OPRM1: variants seen among roughly 807,000 people sequenced by gnomAD.
OPRM1 encodes the protein opioid receptor mu 1.
OPRM1 carries 27 observed loss-of-function variants against 31.8 expected under a neutral mutation model. The ratio of observed to expected loss-of-function variants is 0.85; its 90% confidence interval spans 0.63 to 1.17. The LOEUF (loss-of-function observed/expected upper bound fraction) is 1.17. OPRM1 is among the 50% of genes most tolerant of loss of function. The pLI, the probability that OPRM1 is intolerant of heterozygous loss-of-function variation, is 0.00. For missense variants in OPRM1, 536 were observed against 511.1 expected (o/e 1.05, Z -0.47); for synonymous variants, 196 against 189.9 (o/e 1.03, Z -0.26).
intron 1 of OPRM1, chr6:154,087,497 G>A (rs772045199): frequency 3.7e-5 from 36 of 985,300 alleles, no homozygotes; most frequent in African/African-American, 5.2e-5. Context: ...TCTCTCTCAC[G>A]CTCTCAAATC....
intron 3 of OPRM1, among the ~76,000 whole-genome samples, chr6:154,179,301 A>T (rs936096205): frequency 3.9e-5 from 6 of 152,222 alleles, no homozygotes; most frequent in African/African-American, 1.2e-4. Context: ...TGTACCTCCA[A>T]GAGGCTTTTC....
At chr6:154,229,068 T>C (rs111246768) in intron 3 of OPRM1, among the ~76,000 whole-genome samples, 1 of 152,176 alleles carries the variant, frequency 6.6e-6, no homozygotes, top group African/African-American at 2.4e-5. Context: ...CTGGACTAGG[T>C]GCCCCCATGT....
intron 3 of OPRM1, among the ~76,000 whole-genome samples, chr6:154,097,180 A>C (rs1162759294): frequency 1.3e-5 from 2 of 152,244 alleles, no homozygotes; most frequent in African/African-American, 4.8e-5. Context: ...ACGTCGTGGC[A>C]TGTCCTGCTA....
chr6:154,148,218 G>A (rs1798406686), intron 3 of OPRM1, among the ~76,000 whole-genome samples: 1 of 152,176 alleles, frequency 6.6e-6, no homozygotes, highest in African/African-American at 2.4e-5. Context: ...TGTTGACTGA[G>A]GCACTGTATC....
At chr6:154,085,689 T>C (rs2128475570) in intron 1 of OPRM1, among the ~76,000 whole-genome samples, 1 of 152,226 alleles carries the variant, frequency 6.6e-6, no homozygotes, top group Non-Finnish European at 1.5e-5. Context: ...TGTGTTTTAA[T>C]AGCCAGGAGT....
chr6:154,066,372 A>G lies in OPRM1; in HGVS notation c.291-23454A>G, dbSNP rs530469744. Among the ~76,000 whole-genome samples, 405 of 152,188 alleles carry G rather than the reference A, an allele frequency of 2.7e-3. 2 individuals carry two copies. Among genetic ancestry groups the G allele is most frequent in the African/African-American group, 9.2e-3 (384 of 41,514 alleles). The stretch of plus-strand genomic sequence containing the variant: ...TTGATTTTTTTTAAGTGTTTGGTAC[A>G]ATTCACCAATGAAGCCATCAGGACC... On this transcript the variant is annotated intron_variant, in intron 1 of 3. Transcript: ENST00000330432.
intron 3 of OPRM1, among the ~76,000 whole-genome samples, chr6:154,198,639 C>T (rs568295075): frequency 1.3e-5 from 2 of 150,402 alleles, no homozygotes; most frequent in Non-Finnish European, 3.0e-5. Flanking sequence ...CATACACACA[C>T]ACACACACAC....
intron 1 of OPRM1, among the ~76,000 whole-genome samples, chr6:154,056,268 T>G (rs1300075270): frequency 6.6e-6 from 1 of 151,910 alleles, no homozygotes; most frequent in Non-Finnish European, 1.5e-5. Flanking sequence ...GGACTACAGG[T>G]GCTCACCACC....
intron 1 of OPRM1, among the ~76,000 whole-genome samples, chr6:154,064,892 CT>C (rs1785071447): frequency 6.6e-6 from 1 of 152,104 alleles, no homozygotes; most frequent in African/African-American, 2.4e-5. Flanking sequence ...ATTACCATTA[CT>C]TTAAAGTAAG....
At chr6:154,010,870 A>G (rs1777687682) in exon 1 of OPRM1, 2 of 1,322,964 alleles carry the variant, frequency 1.5e-6, no homozygotes, top group East Asian at 4.0e-5. Context: ...TGGTTGCTAC[A>G]TGCAATAAAT....
Position 154,108,968 on chromosome 6 carries a change from T to A in OPRM1, c.1165-9715T>A, listed in dbSNP as rs576011659. 3 of 984,536 alleles carry A rather than the reference T, an allele frequency of 3.0e-6. No individual in the cohort carries two copies. The African/African-American group carries it at 5.2e-5, about 17-fold the overall frequency. 61.0% of individuals were successfully genotyped at this position (984,536 alleles called of 1,614,324 possible). On this transcript the variant is annotated intron_variant, in intron 3 of 3. Coordinates refer to ENST00000330432, the MANE Select transcript of OPRM1 (RefSeq NM_000914.5). ...GAGGTAGCACATAAGAAATAAGTCA[T>A]GGGGATTTTATTTCATGGACCAGCA...
At chr6:154,199,821 C>CTTTTTT (rs1401681544) in intron 3 of OPRM1, 1 of 1,614,188 alleles carries the variant, frequency 6.2e-7, no homozygotes, top group East Asian at 2.2e-5. Context: ...TGGATGCCTG[C>CTTTTTT]CTCTGAGGGT....
At chr6:154,079,688 A>T (rs1379257604) in intron 1 of OPRM1, among the ~76,000 whole-genome samples, 1 of 152,210 alleles carries the variant, frequency 6.6e-6, no homozygotes, top group Non-Finnish European at 1.5e-5. Flanking sequence ...CAAAAAAGAT[A>T]ATCTTTTAAT....
At position 154,089,896 on chromosome 6, in the gene OPRM1, A is replaced by C. The variant is rs1791634157; in HGVS notation, c.361A>C (p.Ser121Arg). 6.2e-7 allele frequency: 1 copy of C among 1,614,044 alleles called. No individual in the cohort carries two copies. ...TGCTCTGGCAGATGCCTTAGCCACC[A>C]GTACCCTGCCCTTCCAGAGTGTGAA... ...NLALADALAT[S>R]TLPFQSVNYL... The change falls in exon 2 of 4, where the codon AGT becomes CGT. Residue 121 changes from serine to arginine, a missense_variant. Transcript: ENST00000330432.
intron 3 of OPRM1, among the ~76,000 whole-genome samples, chr6:154,241,608 C>G (rs1780598660): frequency 6.6e-6 from 1 of 152,124 alleles, no homozygotes; most frequent in Non-Finnish European, 1.5e-5. Flanking sequence ...ATACCTCACC[C>G]CTTTTTATTT....
At chr6:154,116,771 C>G (rs1260067479) in intron 3 of OPRM1, among the ~76,000 whole-genome samples, 2 of 152,096 alleles carry the variant, frequency 1.3e-5, no homozygotes, top group East Asian at 3.8e-4. Flanking sequence ...TCTGCATGCT[C>G]TAAGGCATAA....
chr6:154,047,978 C>T (rs142046871), intron 1 of OPRM1, among the ~76,000 whole-genome samples: 1 of 152,256 alleles, frequency 6.6e-6, no homozygotes, highest in East Asian at 1.9e-4. Flanking sequence ...GGCAAGGAAG[C>T]TCTCTAGGGC....
At chr6:154,212,934 C>T (rs760710219) in intron 3 of OPRM1, 1 of 964,824 alleles carries the variant, frequency 1.0e-6, no homozygotes, top group South Asian at 1.4e-5. Flanking sequence ...GGTTTATCTC[C>T]ATCTGGCTAT....
At position 154,107,466 on chromosome 6, in the gene OPRM1, T is replaced by C. The variant is rs77991566; in HGVS notation, c.1165-11217T>C. The C allele has an allele frequency of 5.4e-3, 3,855 of 718,516 alleles. 95 individuals are homozygous for C. The African/African-American group carries it at 0.06, about 11-fold the overall frequency. The allele number at this position is 718,516 out of a possible 1,614,324, so 44.5% of individuals were successfully genotyped here. A position where few individuals can be genotyped will look rare whatever the true frequency, so the allele number is the denominator to read the frequency against. On this transcript the variant is annotated intron_variant, in intron 3 of 3. Transcript: ENST00000330432. ...AACCAGAAGTGACTTACTTTCTAGG[T>C]GGAATTGAACCTGGACTGTCACTGT...
Sources: gnomAD v4.1 joint callset for allele counts (sites outside exome capture counted in the v4.1 genomes callset) on GRCh38, gnomAD v4.1.1 for gene constraint, MANE v1.5 for transcripts, NCBI Gene and HGNC (gene_info 2026-07-23, HGNC 2026-07-21) for gene names.